Variants in CDH12 observed in about 807,000 individuals in gnomAD.
CDH12 encodes the protein cadherin-12.
A neutral mutation model predicts 74.1 loss-of-function variants in CDH12; 41 were observed. That is an observed-to-expected ratio of 0.55 (90% CI 0.43 to 0.72). CDH12 has a LOEUF of 0.72. Among genes scored for constraint, CDH12 ranks in the 30% least tolerant of loss-of-function variants. The pLI is 0.00. For missense variants in CDH12, 945 were observed against 977.2 expected, an observed-to-expected ratio of 0.97 and a Z score of 0.44; for synonymous variants, 399 against 355.0, an observed-to-expected ratio of 1.12 and a Z score of -1.39.
At chr5:22,631,192 G>A (rs1257708203) in intron 1 of CDH12, among the ~76,000 whole-genome samples, 2 of 152,186 alleles carry the variant, frequency 1.3e-5, no homozygotes, top group East Asian at 1.9e-4. Flanking sequence ...TGGTGGGAAT[G>A]TAGATTAGTT....
intron 3 of CDH12, among the ~76,000 whole-genome samples, chr5:22,338,400 T>C (rs1203700221): frequency 6.6e-6 from 1 of 151,624 alleles, no homozygotes; most frequent in African/African-American, 2.4e-5. Flanking sequence ...AGAAAGATAA[T>C]AGAAGGATGA....
intron 8 of CDH12, among the ~76,000 whole-genome samples, chr5:21,838,066 A>G (rs1040948181): frequency 1.3e-5 from 2 of 152,168 alleles, no homozygotes; most frequent in African/African-American, 4.8e-5. Flanking sequence ...TTTTAATATG[A>G]CGTTAAACTG....
chr5:22,672,593 T>A (rs1740962810), intron 1 of CDH12, among the ~76,000 whole-genome samples: 1 of 152,188 alleles, frequency 6.6e-6, no homozygotes. Context: ...GCTGTCCCCA[T>A]GCTCTTGGAC....
chr5:21,962,880 A>G (rs1485089044), intron 6 of CDH12, among the ~76,000 whole-genome samples: 13 of 152,146 alleles, frequency 8.5e-5, no homozygotes, highest in Admixed American at 8.5e-4. Context: ...TACTACTGAT[A>G]TCTTATTCCC....
At chr5:22,735,362 T>C (rs990556975) in intron 1 of CDH12, among the ~76,000 whole-genome samples, 1 of 151,902 alleles carries the variant, frequency 6.6e-6, no homozygotes, top group Non-Finnish European at 1.5e-5. Flanking sequence ...ACTTGAAAAT[T>C]TATGAAATAC....
At chr5:22,620,989 G>T (rs1737941870) in intron 1 of CDH12, among the ~76,000 whole-genome samples, 1 of 152,122 alleles carries the variant, frequency 6.6e-6, no homozygotes, top group Non-Finnish European at 1.5e-5. Context: ...GAGTTCTGGA[G>T]ATCAGAATTC....
chr5:21,847,037 G>C (rs1750210100), intron 7 of CDH12, among the ~76,000 whole-genome samples: 1 of 152,106 alleles, frequency 6.6e-6, no homozygotes, highest in Admixed American at 6.6e-5. Flanking sequence ...TCTCCATAGA[G>C]CAGCCATGAT....
chr5:21,899,519 C>T (rs13170202), intron 6 of CDH12, among the ~76,000 whole-genome samples: 112,050 of 151,992 alleles, frequency 0.74, 43,672 homozygotes, highest in Non-Finnish European at 0.86. Context: ...GCTGTGGGCT[C>T]TTTAGGAGAG....
intron 2 of CDH12, among the ~76,000 whole-genome samples, chr5:22,415,357 A>T (rs753940858): frequency 5.3e-5 from 8 of 152,182 alleles, no homozygotes; most frequent in Admixed American, 1.3e-4. Flanking sequence ...AATCTGCAAA[A>T]ATGGCCACAC....
At chr5:22,725,487 G>A (rs1372332506) in intron 1 of CDH12, among the ~76,000 whole-genome samples, 2 of 151,698 alleles carry the variant, frequency 1.3e-5, no homozygotes, top group Non-Finnish European at 1.5e-5. Context: ...TACAATACAC[G>A]TGTCTTAGCC....
At chr5:22,804,753 T>C (rs147923624) in intron 1 of CDH12, among the ~76,000 whole-genome samples, 48 of 152,336 alleles carry the variant, frequency 3.2e-4, no homozygotes, top group African/African-American at 1.1e-3. Context: ...AATTATTGAT[T>C]ACACAATCAG....
intron 1 of CDH12, among the ~76,000 whole-genome samples, chr5:22,698,418 GC>G (rs1742498306): frequency 6.6e-6 from 1 of 151,184 alleles, no homozygotes; most frequent in African/African-American, 2.4e-5. Flanking sequence ...ACCGTGTCTG[GC>G]CAAAGGCCAG....
chr5:22,493,215 A>G (rs1580704412), intron 2 of CDH12, among the ~76,000 whole-genome samples: 1 of 152,168 alleles, frequency 6.6e-6, no homozygotes, highest in Admixed American at 6.6e-5. Flanking sequence ...TTAAACTCCC[A>G]GTGTGCCTCT....
At chr5:22,806,646 G>A (rs368103657) in intron 1 of CDH12, among the ~76,000 whole-genome samples, 3 of 151,958 alleles carry the variant, frequency 2.0e-5, no homozygotes, top group Admixed American at 1.3e-4. Flanking sequence ...GAGCCACCGC[G>A]CCCGGCCTAA....
chr5:22,150,508 T>C (rs1367465728), intron 4 of CDH12, among the ~76,000 whole-genome samples: 1 of 135,512 alleles, frequency 7.4e-6, no homozygotes, highest in Non-Finnish European at 1.6e-5. Flanking sequence ...GTAGAACATA[T>C]ATATGTATAT....
chr5:21,968,667 G>A (rs1371485249), intron 6 of CDH12, among the ~76,000 whole-genome samples: 1 of 152,122 alleles, frequency 6.6e-6, no homozygotes, highest in Non-Finnish European at 1.5e-5. Context: ...CAACAGGAAT[G>A]TCTAGAGATA....
At chr5:22,779,809 AC>A (rs1475794066) in intron 1 of CDH12, among the ~76,000 whole-genome samples, 4 of 152,112 alleles carry the variant, frequency 2.6e-5, no homozygotes, top group African/African-American at 9.7e-5. Flanking sequence ...AGTCAGTTAA[AC>A]CTTTTTTCTT....
chr5:22,420,495 T>C (rs1310894428), intron 2 of CDH12, among the ~76,000 whole-genome samples: 1 of 152,162 alleles, frequency 6.6e-6, no homozygotes. Flanking sequence ...ATGTGTGGTC[T>C]TATTCCTTAG....
At chr5:21,993,630 G>A (rs946367916) in intron 5 of CDH12, among the ~76,000 whole-genome samples, 1 of 152,138 alleles carries the variant, frequency 6.6e-6, no homozygotes, top group Admixed American at 6.5e-5. Context: ...GCAAGGAAGT[G>A]TCTTCTATCA....
Sources: gnomAD v4.1 joint callset for allele counts (sites outside exome capture counted in the v4.1 genomes callset) on GRCh38, gnomAD v4.1.1 for gene constraint, MANE v1.5 for transcripts, NCBI Gene and HGNC (gene_info 2026-07-23, HGNC 2026-07-21) for gene names.